MAPK10: variants seen among roughly 807,000 people sequenced by gnomAD.
MAPK10 encodes JNK3 alpha protein kinase.
In MAPK10, 25 loss-of-function variants were observed where a neutral mutation model predicts 59.3. The ratio of observed to expected loss-of-function variants is 0.42; its 90% CI spans 0.31 to 0.59. MAPK10 has a LOEUF of 0.59. MAPK10 is among the 20% of genes least tolerant of loss of function. The probability of loss-of-function intolerance (pLI) is 0.15; values close to 1 mark genes in which losing one functional copy is unlikely to be tolerated. For missense variants in MAPK10, 351 were observed against 568.9 expected (o/e 0.62, Z 3.90); for synonymous variants, 190 against 200.5 (o/e 0.95, Z 0.44).
At chr4:86,249,799 C>T (rs1366084569) in intron 2 of MAPK10, among the ~76,000 whole-genome samples, 1 of 152,078 alleles carries the variant, frequency 6.6e-6, no homozygotes, top group Non-Finnish European at 1.5e-5. Context: ...GCCAGGTGGG[C>T]CCCCTAATGA....
At chr4:86,133,523 T>C (rs956331907) in intron 4 of MAPK10, among the ~76,000 whole-genome samples, 5 of 152,246 alleles carry the variant, frequency 3.3e-5, no homozygotes, top group Admixed American at 6.5e-5. Flanking sequence ...TTTTAATGCC[T>C]ACAGCCAAAA....
At chr4:86,307,992 G>C (rs547579896) in intron 2 of MAPK10, among the ~76,000 whole-genome samples, 160 of 152,200 alleles carry the variant, frequency 1.1e-3, no homozygotes, top group Non-Finnish European at 1.8e-3. Context: ...CATTTTCCCA[G>C]ACAAAACTAT....
At chr4:86,593,544 T>C (rs112838413) in intron 1 of MAPK10, among the ~76,000 whole-genome samples, 135 of 152,348 alleles carry the variant, frequency 8.9e-4, no homozygotes, top group Non-Finnish European at 1.4e-3. Context: ...TGGGAGGTTA[T>C]CGACTATGTT....
At chr4:86,141,223 G>T (rs891927043) in intron 4 of MAPK10, among the ~76,000 whole-genome samples, 1 of 152,166 alleles carries the variant, frequency 6.6e-6, no homozygotes, top group Non-Finnish European at 1.5e-5. Flanking sequence ...AAAGGATATA[G>T]TTTACAAAAA....
At chr4:86,194,255 T>G in intron 3 of MAPK10, 81 bp downstream of exon 3, 1 of 1,049,496 alleles carries the variant, frequency 9.5e-7, no homozygotes, top group Non-Finnish European at 1.5e-6. Context: ...GACTTTGGTG[T>G]GGAATGTATG....
chr4:86,505,123 G>A (rs974593359), intron 1 of MAPK10, among the ~76,000 whole-genome samples: 1 of 152,014 alleles, frequency 6.6e-6, no homozygotes, highest in African/African-American at 2.4e-5. Context: ...ACCTGTTTCT[G>A]GAACTTTTCC....
At chr4:86,107,664 G>A in intron 4 of MAPK10, 1 of 1,005,424 alleles carries the variant, frequency 9.9e-7, no homozygotes, top group Non-Finnish European at 1.2e-6. Context: ...GCCTCAGTGA[G>A]TGGGTGGAAT....
At chr4:86,381,247 C>G (rs1278277915) in intron 1 of MAPK10, among the ~76,000 whole-genome samples, 1 of 152,164 alleles carries the variant, frequency 6.6e-6, no homozygotes. Flanking sequence ...CTCCCCTTCA[C>G]TACCCTCCTG....
At chr4:86,584,376 G>A (rs1762518535) in intron 1 of MAPK10, among the ~76,000 whole-genome samples, 1 of 152,162 alleles carries the variant, frequency 6.6e-6, no homozygotes, top group Admixed American at 6.5e-5. Context: ...AAAAACAAAG[G>A]AAGTTTACAG....
intron 1 of MAPK10, among the ~76,000 whole-genome samples, chr4:86,547,564 G>T (rs1395721646): frequency 6.6e-6 from 1 of 152,160 alleles, no homozygotes; most frequent in African/African-American, 2.4e-5. Flanking sequence ...CCTGTGCCGC[G>T]GAGCCTCCCC....
intron 2 of MAPK10, among the ~76,000 whole-genome samples, chr4:86,349,282 A>C (rs1027968426): frequency 6.6e-6 from 1 of 152,204 alleles, no homozygotes; most frequent in Non-Finnish European, 1.5e-5. Context: ...GCCTTTGTGT[A>C]AACTGCTTTT....
intron 2 of MAPK10, among the ~76,000 whole-genome samples, chr4:86,288,708 T>C (rs1012754624): frequency 3.3e-5 from 5 of 152,128 alleles, no homozygotes; most frequent in Non-Finnish European, 7.4e-5. Flanking sequence ...AGATTAATGT[T>C]AAAGTCTTTC....
chr4:86,160,065 A>T (rs1237284865), intron 3 of MAPK10, among the ~76,000 whole-genome samples: 1 of 152,038 alleles, frequency 6.6e-6, no homozygotes, highest in Admixed American at 6.6e-5. Flanking sequence ...TCTTCTTTGA[A>T]TTAATATTAT....
At position 86,360,021 on chromosome 4, in the gene MAPK10, C is replaced by T; in HGVS notation, c.-485G>A. The T allele has an allele frequency of 2.0e-6, 2 of 985,814 alleles. No homozygotes were observed. Among genetic ancestry groups the T allele is most frequent in the Non-Finnish European group, 2.4e-6 (2 of 829,956 alleles). The allele number at this position is 985,814 out of a possible 1,614,324, so 61.1% of individuals were successfully genotyped here. A position where few individuals can be genotyped will look rare whatever the true frequency, so the allele number is the denominator to read the frequency against. ...TCACCCTCTTTCACTGCCTGGAAACCATTGTGCAGCGTGATGCTGCCTGTA... is the reference window on the plus strand; with the variant it reads ...TCACCCTCTTTCACTGCCTGGAAACTATTGTGCAGCGTGATGCTGCCTGTA... On this transcript the variant is annotated 5_prime_UTR_variant, in exon 1 of 14. An upstream start codon of the reference 5' UTR is lost. Transcript: ENST00000641462.
At chr4:86,060,736 A>C (rs946608266) in intron 11 of MAPK10, among the ~76,000 whole-genome samples, 3 of 152,176 alleles carry the variant, frequency 2.0e-5, no homozygotes, top group Non-Finnish European at 2.9e-5. Flanking sequence ...TTTTGGTTTA[A>C]ACTAATGACA....
intron 1 of MAPK10, among the ~76,000 whole-genome samples, chr4:86,469,777 C>T (rs923033514): frequency 3.3e-5 from 5 of 152,122 alleles, no homozygotes; most frequent in African/African-American, 1.2e-4. Flanking sequence ...TCCCAAATAC[C>T]AGATATAGCT....
chr4:86,256,301 T>C (rs559502524), intron 2 of MAPK10, among the ~76,000 whole-genome samples: 1 of 152,312 alleles, frequency 6.6e-6, no homozygotes, highest in South Asian at 2.1e-4. Flanking sequence ...TGGAAATATA[T>C]CCTTAAAATT....
At chr4:86,364,773 G>T (rs1191648039), upstream of MAPK10, among the ~76,000 whole-genome samples, 3 of 152,038 alleles carry the variant, frequency 2.0e-5, no homozygotes, top group Non-Finnish European at 4.4e-5. Context: ...TCGAGGTCAG[G>T]ATTTCCAGAC....
intron 3 of MAPK10, among the ~76,000 whole-genome samples, chr4:86,172,018 A>G (rs1015956926): frequency 1.4e-5 from 2 of 143,694 alleles, no homozygotes; most frequent in Admixed American, 6.7e-5. Flanking sequence ...TCAAAACCAC[A>G]ATGAGATACC....
Sources: gnomAD v4.1 joint callset for allele counts (sites outside exome capture counted in the v4.1 genomes callset) on GRCh38, gnomAD v4.1.1 for gene constraint, MANE v1.5 for transcripts, NCBI Gene and HGNC (gene_info 2026-07-23, HGNC 2026-07-21) for gene names.